The following IRAK1BP1 variants were observed in gnomAD, a reference collection of about 807,000 sequenced individuals.
IRAK1BP1 encodes the protein interleukin 1 receptor associated kinase 1 binding protein 1.
Under a neutral mutation model 28.0 loss-of-function variants are expected in IRAK1BP1, and 24 were observed. That is an observed-to-expected ratio of 0.86 (90% CI 0.62 to 1.20). IRAK1BP1 has a LOEUF of 1.20. Among genes scored for constraint, IRAK1BP1 ranks in the 50% most tolerant of loss-of-function variants. The pLI is 0.00. For synonymous variants in IRAK1BP1, 131 were observed against 116.3 expected (o/e 1.13, Z -0.81); for missense variants, 336 against 316.7 (o/e 1.06, Z -0.46).
chr6:78,871,875 G>A (rs1479878732), intron 1 of IRAK1BP1: 1 of 506,574 alleles, frequency 2.0e-6, no homozygotes, highest in Non-Finnish European at 3.4e-6. Flanking sequence ...GTATCCTTTG[G>A]CACTTCACAT....
intron 1 of IRAK1BP1, among the ~76,000 whole-genome samples, chr6:78,884,979 A>C (rs1397619326): frequency 6.6e-6 from 1 of 152,112 alleles, no homozygotes; most frequent in Non-Finnish European, 1.5e-5. Flanking sequence ...TGTGCAGGTG[A>C]CACCTACAGG....
At chr6:78,878,325 G>GTTTGCTGTTCTGCAGTA (rs953998815) in intron 1 of IRAK1BP1, among the ~76,000 whole-genome samples, 2 of 152,192 alleles carry the variant, frequency 1.3e-5, no homozygotes, top group African/African-American at 2.4e-5. Context: ...AGGCAGCAAC[G>GTTTGCTGTTCTGCAGTA]TTTGCTGTTC....
At chr6:78,897,588 C>T (rs1335680285) in intron 2 of IRAK1BP1, among the ~76,000 whole-genome samples, 1 of 151,824 alleles carries the variant, frequency 6.6e-6, no homozygotes, top group African/African-American at 2.4e-5. Flanking sequence ...TTTAAAAATC[C>T]CTGGTTTAAA....
At chr6:78,942,559 A>ATGCAAAGCTTT (rs1773561125) in intron 4 of IRAK1BP1, among the ~76,000 whole-genome samples, 1 of 152,176 alleles carries the variant, frequency 6.6e-6, no homozygotes, top group Non-Finnish European at 1.5e-5. Context: ...CAGACAGAAA[A>ATGCAAAGCTTT]TGCAAAGCTT....
chr6:78,933,339 C>T (rs1034221654), intron 4 of IRAK1BP1, among the ~76,000 whole-genome samples: 4 of 152,156 alleles, frequency 2.6e-5, no homozygotes, highest in African/African-American at 9.7e-5. Context: ...TGAACCAGGC[C>T]GGACGCGATG....
chr6:78,885,488 ACAGT>A (rs905796391), intron 2 of IRAK1BP1, 45 bp downstream of exon 2: 4 of 949,186 alleles, frequency 4.2e-6, no homozygotes, highest in Non-Finnish European at 6.4e-6. Context: ...TTTTGTGGAG[ACAGT>A]CATTTTTATT....
chr6:78,950,249 T>C (rs1334705164), downstream of IRAK1BP1, among the ~76,000 whole-genome samples: 1 of 152,240 alleles, frequency 6.6e-6, no homozygotes. Flanking sequence ...GGTCATGGTA[T>C]AAAATCATTT....
chr6:78,884,254 G>A (rs1194943647), intron 1 of IRAK1BP1, among the ~76,000 whole-genome samples: 1 of 151,972 alleles, frequency 6.6e-6, no homozygotes, highest in Non-Finnish European at 1.5e-5. Context: ...AAATTTAGAT[G>A]CAACCATGTC....
chr6:78,908,376 G>C (rs1772315512), intron 4 of IRAK1BP1, among the ~76,000 whole-genome samples: 2 of 152,056 alleles, frequency 1.3e-5, no homozygotes, highest in South Asian at 4.2e-4. Flanking sequence ...TTAGAGCAGG[G>C]TCACACTCTG....
the IRAK1BP1 span, chr6:78,970,289 C>G: frequency 1.3e-6 from 1 of 780,018 alleles, no homozygotes; most frequent in Non-Finnish European, 2.1e-6. Flanking sequence ...ATGGTGATGA[C>G]TGTGTACATG....
At chr6:78,889,361 A>G (rs1333489254) in intron 2 of IRAK1BP1, among the ~76,000 whole-genome samples, 2 of 152,104 alleles carry the variant, frequency 1.3e-5, no homozygotes, top group African/African-American at 2.4e-5. Flanking sequence ...GGACATAGTC[A>G]TGGGCAAAGA....
intron 4 of IRAK1BP1, among the ~76,000 whole-genome samples, chr6:78,922,852 C>A (rs1365694501): frequency 3.3e-5 from 5 of 152,076 alleles, no homozygotes; most frequent in African/African-American, 7.2e-5. Flanking sequence ...GAAATAAAAT[C>A]CTTTACAGAC....
At chr6:78,974,286 T>G in the IRAK1BP1 span, among the ~76,000 whole-genome samples, 1 of 151,912 alleles carries the variant, frequency 6.6e-6, no homozygotes. Context: ...ACTGGGTACA[T>G]AATGAAATGA....
At chr6:78,935,535 A>C in intron 4 of IRAK1BP1, 1 of 969,392 alleles carries the variant, frequency 1.0e-6, no homozygotes, top group Non-Finnish European at 1.2e-6. Context: ...GTATCTGAAT[A>C]GTGAAGTATT....
At chr6:78,929,309 G>A (rs1772980028) in intron 4 of IRAK1BP1, among the ~76,000 whole-genome samples, 1 of 152,078 alleles carries the variant, frequency 6.6e-6, no homozygotes, top group African/African-American at 2.4e-5. Context: ...ATCAAAGGTG[G>A]GTTGGATAAA....
Position 78,902,893 on chromosome 6 carries a change from G to C in IRAK1BP1, c.*4559G>C, listed in dbSNP as rs1772153785. 7 of 663,204 alleles carry C rather than the reference G, an allele frequency of 1.1e-5. No individual in the cohort carries two copies. Among genetic ancestry groups the C allele is most frequent in the Non-Finnish European group, 1.3e-5 (5 of 386,502 alleles). 41.1% of individuals were successfully genotyped at this position (663,204 alleles called of 1,614,324 possible). A position where few individuals can be genotyped will look rare whatever the true frequency, so the allele number is the denominator to read the frequency against. The stretch of plus-strand genomic sequence containing the variant: ...AAATCAGACACTGCTCTTCAAGAGA[G>C]GTAATATTAATAGAAATCTTTCAAG... On this transcript the variant is annotated 3_prime_UTR_variant, in exon 4 of 4. Transcript: ENST00000369940.
In IRAK1BP1 at chr6:78,899,516, T is replaced by C. The variant is rs1189700604; in HGVS notation, c.*1182T>C. 6.6e-6 allele frequency: 1 copy of C among 152,202 alleles called. No individual in the cohort carries two copies. The highest frequency in any genetic ancestry group is 6.5e-5 in the Admixed American group (1 of 15,268). 9.4% of individuals were successfully genotyped at this position (152,202 alleles called of 1,614,324 possible). A position where few individuals can be genotyped will look rare whatever the true frequency, so the allele number is the denominator to read the frequency against. ...TGGATCGGACTCCAACAGGGCTCCT[T>C]AGAGTGATACAAATACAAAGCAAAC... is the stretch of plus-strand genomic sequence containing the variant. On this transcript the variant is annotated 3_prime_UTR_variant, in exon 4 of 4. Coordinates refer to ENST00000369940, the MANE Select transcript of IRAK1BP1 (RefSeq NM_001010844.4).
chr6:78,975,120 C>G, the IRAK1BP1 span, among the ~76,000 whole-genome samples: 2 of 151,532 alleles, frequency 1.3e-5, no homozygotes, highest in African/African-American at 4.9e-5. Flanking sequence ...TGCAAAAATC[C>G]TCAATAAAAT....
chr6:78,893,913 A>G (rs562874969), intron 2 of IRAK1BP1, among the ~76,000 whole-genome samples: 1 of 152,174 alleles, frequency 6.6e-6, no homozygotes, highest in Non-Finnish European at 1.5e-5. Context: ...AAAAAAAAAG[A>G]TAACTGACTA....
Sources: gnomAD v4.1 joint callset for allele counts (sites outside exome capture counted in the v4.1 genomes callset) on GRCh38, gnomAD v4.1.1 for gene constraint, MANE v1.5 for transcripts, NCBI Gene and HGNC (gene_info 2026-07-23, HGNC 2026-07-21) for gene names.